The following SLC25A47 variants were observed in gnomAD, a reference collection of about 807,000 sequenced individuals.
SLC25A47 encodes the protein HCC-down-regulated mitochondrial carrier protein.
SLC25A47 carries 30 observed loss-of-function variants against 29.8 expected under a neutral mutation model. That is an observed-to-expected ratio of 1.01 (90% CI 0.75 to 1.36). The LOEUF (loss-of-function observed/expected upper bound fraction) is 1.36, where lower values mean the gene tolerates loss of function less well. SLC25A47 is among the 40% of genes most tolerant of loss of function. The pLI is 0.00. For synonymous variants in SLC25A47, 204 were observed against 197.8 expected (o/e 1.03, Z -0.26); for missense variants, 430 against 441.9 (o/e 0.97, Z 0.24).
intron 5 of SLC25A47, 96 bp downstream of exon 5, chr14:100,329,140 T>G: frequency 7.1e-7 from 1 of 1,408,344 alleles, no homozygotes; most frequent in Admixed American, 2.4e-5. Context: ...AGTGGGGGCT[T>G]GAACTTGGCC....
In SLC25A47 at chr14:100,328,928, G is replaced by A; in HGVS notation, c.530G>A (p.Gly177Asp). 6.2e-7 allele frequency: 1 copy of A among 1,607,792 alleles called. No homozygotes were observed. Among genetic ancestry groups the A allele is most frequent in the Non-Finnish European group, 8.5e-7 (1 of 1,179,862 alleles). ...GTAGCCCGTGAGGAGGGGCTGTGCG[G>A]CCTCTACAAGGGCAGCTCGGCCCTG... ...ATVAREEGLC[G>D]LYKGSSALVL... The change falls in exon 5 of 6, where the codon GGC (glycine) becomes GAC (aspartate). Residue 177 changes from glycine to aspartate, a missense_variant. By Grantham distance (94) the Gly-to-Asp change is moderately conservative. Transcript: ENST00000361529.
In SLC25A47 at chr14:100,328,961, G is replaced by C. The variant is rs762332905; in HGVS notation, c.563G>C (p.Arg188Pro). The C allele has an allele frequency of 1.9e-6, 3 of 1,603,302 alleles. No individual in the cohort carries two copies. The highest frequency in any genetic ancestry group is 2.5e-6 in the Non-Finnish European group (3 of 1,179,892). ...AAGGGCAGCTCGGCCCTGGTCTTAC[G>C]GGACGGCCACTCCTTTGCCACCTAC... Reference protein sequence around the residue: ...LYKGSSALVLRDGHSFATYFL... With the variant: ...LYKGSSALVLPDGHSFATYFL... Residue 188 changes from arginine (R) to proline (P), a missense_variant, in exon 5 of 6, where the codon CGG becomes CCG. Transcript: ENST00000361529.
Position 100,329,909 on chromosome 14 carries a change from C to T in SLC25A47, c.*264C>T, listed in dbSNP as rs965429109. On this transcript the variant is annotated 3_prime_UTR_variant, in exon 6 of 6. Coordinates refer to ENST00000361529, the MANE Select transcript of SLC25A47 (RefSeq NM_207117.4). Reference sequence around the variant, plus strand: ...GAGGAGTGGGCCTCTTTGATGAGAGCGTTGAGTTGCATGGAGTCGGTTGTT... The same window carrying T: ...GAGGAGTGGGCCTCTTTGATGAGAGTGTTGAGTTGCATGGAGTCGGTTGTT... The T allele has an allele frequency of 2.1e-5, 11 of 536,160 alleles. No homozygotes were observed. The highest frequency in any genetic ancestry group is 5.1e-4 in the Middle Eastern group (1 of 1,964). The allele number at this position is 536,160 out of a possible 1,614,324, so 33.2% of individuals were successfully genotyped here. A position where few individuals can be genotyped will look rare whatever the true frequency, so the allele number is the denominator to read the frequency against.
At position 100,329,536 on chromosome 14, in the gene SLC25A47, T is replaced by C. The variant is rs1004853522; in HGVS notation, c.818T>C (p.Val273Ala). Residue 273 changes from valine (V) to alanine (A), a missense_variant, in exon 6 of 6, where the codon GTC (valine) becomes GCC (alanine). Physicochemically the swap from Val to Ala is moderately conservative, Grantham distance 64. Coordinates refer to ENST00000361529, the MANE Select transcript of SLC25A47 (RefSeq NM_207117.4). ...AGCGTTCGAGAGGAGGGACCCCGGG[T>C]CCTTTTCAAGGGGCTGGTACTCAAT... ...VTSVREEGPR[V>A]LFKGLVLNCC... 3 of 1,613,356 alleles carry C rather than the reference T, an allele frequency of 1.9e-6. No individual in the cohort carries two copies. The highest frequency in any genetic ancestry group is 2.5e-6 in the Non-Finnish European group (3 of 1,179,990).
chr14:100,329,718 A>G lies in SLC25A47; in HGVS notation c.*73A>G. ...GTAGTGGCTGGAGGAGGCAAGGGGT[A>G]GTGTGGCTGGGTTCGGGACCCCACA... is the stretch of plus-strand genomic sequence containing the variant. On this transcript the variant is annotated 3_prime_UTR_variant, in exon 6 of 6. Coordinates refer to ENST00000361529, the MANE Select transcript of SLC25A47 (RefSeq NM_207117.4). The G allele has an allele frequency of 6.5e-7, 1 of 1,539,846 alleles. No individual in the cohort carries two copies. The highest frequency in any genetic ancestry group is 8.7e-7 in the Non-Finnish European group (1 of 1,144,486).
chr14:100,329,959 G>T lies in SLC25A47; in HGVS notation c.*314G>T. ...TCATCCCAGCCTCCCCATGGCCCTC[G>T]CCTCCCATGTCTTTGAAGCACCCCT... is the stretch of plus-strand genomic sequence containing the variant. On this transcript the variant is annotated 3_prime_UTR_variant, in exon 6 of 6. Coordinates refer to ENST00000361529, the MANE Select transcript of SLC25A47 (RefSeq NM_207117.4). 2.5e-6 allele frequency: 1 copy of T among 407,230 alleles called. No individual in the cohort carries two copies. Among genetic ancestry groups the T allele is most frequent in the East Asian group, 5.0e-5 (1 of 20,156 alleles). The allele number at this position is 407,230 out of a possible 1,614,324, so 25.2% of individuals were successfully genotyped here. A position where few individuals can be genotyped will look rare whatever the true frequency, so the allele number is the denominator to read the frequency against.
intron 1 of SLC25A47, among the ~76,000 whole-genome samples, chr14:100,323,808 G>A (rs747681107): frequency 7.9e-5 from 12 of 152,082 alleles, no homozygotes; most frequent in Admixed American, 3.3e-4. Flanking sequence ...GGATCGAGAG[G>A]GTGGGGAGAT....
chr14:100,324,264 G>A (rs758140250), intron 1 of SLC25A47, among the ~76,000 whole-genome samples: 6 of 151,774 alleles, frequency 4.0e-5, no homozygotes, highest in East Asian at 1.9e-4. Context: ...TTGTTCTGTC[G>A]CCTAGGCTGA....
chr14:100,329,345 G>A lies in SLC25A47; in HGVS notation c.647-20G>A, dbSNP rs1364620660. ...CGCCCCGATCAGGCTCCCAGTCAAG[G>A]CACTGTGGTCTCTCTGCAGATGTCC... On this transcript the variant is annotated intron_variant, in intron 5 of 5. Transcript: ENST00000361529. 6.3e-7 allele frequency: 1 copy of A among 1,576,864 alleles called. No homozygotes were observed. The highest frequency in any genetic ancestry group is 1.2e-5 in the South Asian group (1 of 86,512).
At chr14:100,327,701 T>C (rs1252658543) in intron 4 of SLC25A47, among the ~76,000 whole-genome samples, 1 of 152,242 alleles carries the variant, frequency 6.6e-6, no homozygotes, top group East Asian at 1.9e-4. Flanking sequence ...CGGGCACTCA[T>C]GGCTCCAGGC....
rs1487344058 is a variant in SLC25A47 at position 100,328,984 on chromosome 14, T to TA, written c.587dup (p.Tyr196Ter). 7 of 1,601,566 alleles carry TA rather than the reference T, an allele frequency of 4.4e-6. No homozygotes were observed. The highest frequency in any genetic ancestry group is 5.9e-6 in the Non-Finnish European group (7 of 1,179,846). ...ACGGGACGGCCACTCCTTTGCCACC[T>TA]ACTTCCTTTCCTACGCGGTCCTCTG... ...VLRDGHSFAT[Y>*]FLSYAVLCEW... Residue 196 changes from tyrosine to a stop codon, truncating the protein, a stop_gained and frameshift_variant, in exon 5 of 6, where the codon TAC becomes TAAC. Transcript: ENST00000361529. LOFTEE classifies it high-confidence loss of function.
At position 100,328,909 on chromosome 14, in the gene SLC25A47, C is replaced by T. The variant is rs1893391957; in HGVS notation, c.511C>T (p.Arg171Cys). 8 of 1,610,086 alleles carry T rather than the reference C, an allele frequency of 5.0e-6. No homozygotes were observed. Among genetic ancestry groups the T allele is most frequent in the East Asian group, 4.5e-5 (2 of 44,892 alleles). Residue 171 changes from arginine to cysteine, a missense_variant, in exon 5 of 6, where the codon CGT becomes TGT. By Grantham distance (180) the Arg-to-Cys change is radical. Coordinates refer to ENST00000361529, the MANE Select transcript of SLC25A47 (RefSeq NM_207117.4). ...ACTGCACTGCCTGGCCACGGTAGCC[C>T]GTGAGGAGGGGCTGTGCGGCCTCTA... ...GPLHCLATVA[R>C]EEGLCGLYKG...
chr14:100,323,613 G>A (rs1893286719), intron 1 of SLC25A47, among the ~76,000 whole-genome samples, 171 bp downstream of exon 1: 1 of 152,134 alleles, frequency 6.6e-6, no homozygotes, highest in South Asian at 2.1e-4. Context: ...CTGGGTGAGG[G>A]GTGCTGCAGG....
intron 4 of SLC25A47, among the ~76,000 whole-genome samples, chr14:100,328,112 A>ATTTTT (rs33989395): frequency 7.1e-6 from 1 of 140,928 alleles, no homozygotes. Flanking sequence ...ATGTCTAGTG[A>ATTTTT]TTTTTTTTTT....
chr14:100,326,376 C>T, intron 3 of SLC25A47, 148 bp downstream of exon 3: 1 of 748,632 alleles, frequency 1.3e-6, no homozygotes, highest in Non-Finnish European at 2.2e-6. Flanking sequence ...TCATGGGTTC[C>T]TCTGAGGTCT....
Position 100,325,784 on chromosome 14 carries a change from G to T in SLC25A47, c.29-4G>T. 6.2e-7 allele frequency: 1 copy of T among 1,612,706 alleles called. No individual in the cohort carries two copies. Among genetic ancestry groups the T allele is most frequent in the East Asian group, 2.2e-5 (1 of 44,818 alleles). ...CTCACCGTGGGCCTCTTCTTTCCTT[G>T]CAGGCGTCTGCGGTGTTGCTGTGGG... On this transcript the variant is annotated splice_region_variant and splice_polypyrimidine_tract_variant and intron_variant, in intron 1 of 5. Transcript: ENST00000361529.
rs369908259 is a variant in SLC25A47, at chr14:100,323,363, C to T, written c.-52C>T. ...AGCTGTTGAGGCCACCCTGGTGGCACCAAAGCCCTCTCAGGCAGGCAGACC... is the reference window on the plus strand; with the variant it reads ...AGCTGTTGAGGCCACCCTGGTGGCATCAAAGCCCTCTCAGGCAGGCAGACC... On this transcript the variant is annotated 5_prime_UTR_variant, in exon 1 of 6. Transcript: ENST00000361529. 954 of 1,610,010 alleles carry T rather than the reference C, an allele frequency of 5.9e-4. 2 individuals carry two copies. Among genetic ancestry groups the T allele is most frequent in the South Asian group, 3.5e-3 (315 of 90,960 alleles).
In SLC25A47 at chr14:100,327,203, C is replaced by A. The variant is rs765646850; in HGVS notation, c.160C>A (p.Arg54=). 3.7e-6 allele frequency: 6 copies of A among 1,606,672 alleles called. No homozygotes were observed. Among genetic ancestry groups the A allele is most frequent in the Non-Finnish European group, 5.1e-6 (6 of 1,177,850 alleles). Residue 54 remains arginine, a synonymous_variant, in exon 4 of 6, where the codon CGG becomes AGG. Coordinates refer to ENST00000361529, the MANE Select transcript of SLC25A47 (RefSeq NM_207117.4). The part of the protein sequence containing the change: ...YHRERVWGFY[R]GLSLPVCTVS... ...TGTCTGCTAGGTGTGGGGCTTCTACCGGGGCCTCTCGCTGCCCGTGTGCAC... is the reference window on the plus strand; with the variant it reads ...TGTCTGCTAGGTGTGGGGCTTCTACAGGGGCCTCTCGCTGCCCGTGTGCAC...
intron 5 of SLC25A47, 113 bp downstream of exon 5, chr14:100,329,157 C>G (rs1893400852): frequency 1.5e-6 from 2 of 1,305,412 alleles, no homozygotes; most frequent in East Asian, 4.9e-5. Flanking sequence ...GGCCTCCTGC[C>G]TCCCAGAGTG....
Sources: gnomAD v4.1 joint callset for allele counts (sites outside exome capture counted in the v4.1 genomes callset) on GRCh38, gnomAD v4.1.1 for gene constraint, MANE v1.5 for transcripts, NCBI Gene and HGNC (gene_info 2026-07-23, HGNC 2026-07-21) for gene names.